Variants in IL12RB2 observed in about 807,000 individuals in gnomAD.
The protein encoded by IL12RB2 is interleukin-12 receptor subunit beta-2.
Under a neutral mutation model 89.4 loss-of-function variants are expected in IL12RB2, and 82 were observed. The ratio of observed to expected loss-of-function variants is 0.92; its 90% CI spans 0.77 to 1.10. The LOEUF is 1.10. Among genes scored for constraint, IL12RB2 ranks in the 50% least tolerant of loss-of-function variants. The pLI is 0.00. For missense variants in IL12RB2, 963 were observed against 1,031.9 expected (o/e 0.93, Z 0.92); for synonymous variants, 368 against 370.1 (o/e 0.99, Z 0.07).
intron 4 of IL12RB2, among the ~76,000 whole-genome samples, chr1:67,325,945 A>G (rs1057362700): frequency 1.1e-4 from 16 of 152,336 alleles, no homozygotes; most frequent in African/African-American, 3.8e-4. Context: ...CTTTATTTAA[A>G]AATACACACC....
chr1:67,329,456 T>G, intron 6 of IL12RB2, 131 bp from the exon 7 acceptor site: 1 of 726,362 alleles, frequency 1.4e-6, no homozygotes, highest in Non-Finnish European at 2.5e-6. Flanking sequence ...CTCTTGTATA[T>G]TTTACCAAAT....
At chr1:67,393,721 TAAG>T (rs1197362290) in intron 16 of IL12RB2, among the ~76,000 whole-genome samples, 1 of 152,152 alleles carries the variant, frequency 6.6e-6, no homozygotes, top group South Asian at 2.1e-4. Flanking sequence ...GGAGGGGATG[TAAG>T]AAGAAGATCC....
At chr1:67,350,802 A>C (rs892423812) in intron 9 of IL12RB2, 68 bp from the exon 10 acceptor site, 1 of 1,593,418 alleles carries the variant, frequency 6.3e-7, no homozygotes, top group African/African-American at 1.3e-5. Context: ...TGTACCCATG[A>C]GGTCCAGGCA....
Position 67,396,359 on chromosome 1 carries a change from C to T in IL12RB2, c.*270C>T, listed in dbSNP as rs1666368956. 1.8e-6 allele frequency: 1 copy of T among 548,370 alleles called. No homozygotes were observed. Among genetic ancestry groups the T allele is most frequent in the African/African-American group, 1.9e-5 (1 of 52,896 alleles). 34.0% of individuals were successfully genotyped at this position (548,370 alleles called of 1,614,324 possible). On this transcript the variant is annotated 3_prime_UTR_variant, in exon 17 of 17. Transcript: ENST00000674203. The stretch of plus-strand genomic sequence containing the variant: ...TCCAACTTGAATTCCTAGTAACTTT[C>T]TTGGTATGCTGGCCAGAAAGGGAAA...
At chr1:67,347,464 C>A (rs1660366414) in intron 9 of IL12RB2, among the ~76,000 whole-genome samples, 1 of 152,178 alleles carries the variant, frequency 6.6e-6, no homozygotes, top group Non-Finnish European at 1.5e-5. Context: ...AAAACAGATG[C>A]ATTGCATTCT....
At position 67,372,305 on chromosome 1, in the gene IL12RB2, C is replaced by T; in HGVS notation, c.1460-131C>T. 8 of 732,492 alleles carry T rather than the reference C, an allele frequency of 1.1e-5. No individual in the cohort carries two copies. The Admixed American group carries it at 1.5e-4, about 14-fold the overall frequency. 45.4% of individuals were successfully genotyped at this position (732,492 alleles called of 1,614,324 possible). A position where few individuals can be genotyped will look rare whatever the true frequency, so the allele number is the denominator to read the frequency against. On this transcript the variant is annotated intron_variant, in intron 11 of 16. Coordinates refer to ENST00000674203, the MANE Select transcript of IL12RB2 (RefSeq NM_001374259.2). ...ACATAGGTCATCAGTCCAGACTGTG[C>T]TTGAACCATCTTTAAACTAGGAAAA...
chr1:67,309,210 G>T (rs1654700624), intron 1 of IL12RB2, among the ~76,000 whole-genome samples: 1 of 151,918 alleles, frequency 6.6e-6, no homozygotes. Flanking sequence ...TATGTATTTG[G>T]TTTTTGGATA....
chr1:67,351,981 TATA>T (rs1223127308), intron 10 of IL12RB2, among the ~76,000 whole-genome samples: 1 of 152,216 alleles, frequency 6.6e-6, no homozygotes, highest in Non-Finnish European at 1.5e-5. Context: ...TAAAATTCAG[TATA>T]ATAATTTTAT....
At chr1:67,322,344 G>A (rs776700635) in intron 4 of IL12RB2, among the ~76,000 whole-genome samples, 7 of 151,146 alleles carry the variant, frequency 4.6e-5, no homozygotes, top group African/African-American at 9.7e-5. Flanking sequence ...ATGCTCACCC[G>A]GACCACTGGT....
rs1558315100 is a variant in IL12RB2 at position 67,338,613 on chromosome 1, CTT to C, written c.959-9_959-8del. 2 of 1,358,512 alleles carry C rather than the reference CTT, an allele frequency of 1.5e-6. No individual in the cohort carries two copies. The highest frequency in any genetic ancestry group is 2.3e-5 in the South Asian group (2 of 86,056). The allele number at this position is 1,358,512 out of a possible 1,614,324, so 84.2% of individuals were successfully genotyped here. A position where few individuals can be genotyped will look rare whatever the true frequency, so the allele number is the denominator to read the frequency against. On this transcript the variant is annotated splice_polypyrimidine_tract_variant and intron_variant, in intron 8 of 16. Coordinates refer to ENST00000674203, the MANE Select transcript of IL12RB2 (RefSeq NM_001374259.2). Reference sequence around the variant, plus strand: ...ATATGAAAATATGTCTTTTTTTCTCCTTTGAAACAGAGCCTACTGGGATGTTA... The same window carrying C: ...ATATGAAAATATGTCTTTTTTTCTCCTGAAACAGAGCCTACTGGGATGTTA...
At chr1:67,326,946 T>A (rs564416734) in intron 5 of IL12RB2, 97 bp downstream of exon 5, 12 of 638,504 alleles carry the variant, frequency 1.9e-5, no homozygotes, top group Middle Eastern at 7.5e-4. Flanking sequence ...TATTTTATTT[T>A]ATTTATTTAT....
intron 4 of IL12RB2, among the ~76,000 whole-genome samples, chr1:67,322,338 T>A (rs1431206646): frequency 6.6e-6 from 1 of 151,194 alleles, no homozygotes. Flanking sequence ...CCATCCATGC[T>A]CACCCGGACC....
intron 10 of IL12RB2, among the ~76,000 whole-genome samples, chr1:67,357,857 T>G (rs1437377637): frequency 6.6e-6 from 1 of 151,874 alleles, no homozygotes; most frequent in African/African-American, 2.4e-5. Flanking sequence ...GGTAAGAAAT[T>G]GAAAGATTAG....
chr1:67,348,789 G>A (rs753916013), intron 9 of IL12RB2, among the ~76,000 whole-genome samples: 5 of 151,882 alleles, frequency 3.3e-5, no homozygotes, highest in Non-Finnish European at 5.9e-5. Flanking sequence ...CCTGTCAGAC[G>A]AGTTAGGCTT....
Position 67,326,709 on chromosome 1 carries a change from T to G in IL12RB2, c.365-26T>G, listed in dbSNP as rs1345699643. Reference sequence around the variant, plus strand: ...GTTGAAATATCACCTGTGTGATATATAAGGTTTTGTCTTTTCTTTTTAAAG... The same window carrying G: ...GTTGAAATATCACCTGTGTGATATAGAAGGTTTTGTCTTTTCTTTTTAAAG... On this transcript the variant is annotated intron_variant, in intron 4 of 16. Transcript: ENST00000674203. 3 of 1,609,820 alleles carry G rather than the reference T, an allele frequency of 1.9e-6. No homozygotes were observed. In the Admixed American group the frequency reaches 5.0e-5, roughly 27 times the overall value.
chr1:67,362,382 A>C (rs1209174088), intron 10 of IL12RB2, among the ~76,000 whole-genome samples: 1 of 149,346 alleles, frequency 6.7e-6, no homozygotes. Flanking sequence ...CTGGCTAACA[A>C]GGTGAAACCC....
At chr1:67,378,250 C>G (rs1180888932) in intron 13 of IL12RB2, among the ~76,000 whole-genome samples, 1 of 152,148 alleles carries the variant, frequency 6.6e-6, no homozygotes, top group Non-Finnish European at 1.5e-5. Context: ...TTTGAAAGGT[C>G]ACTCCAAAAT....
At chr1:67,331,484 C>T (rs1658060952) in intron 8 of IL12RB2, among the ~76,000 whole-genome samples, 1 of 152,134 alleles carries the variant, frequency 6.6e-6, no homozygotes, top group Non-Finnish European at 1.5e-5. Context: ...CCTATGTAAA[C>T]TTTATGCCAA....
At chr1:67,354,022 C>A (rs1385982990) in intron 10 of IL12RB2, among the ~76,000 whole-genome samples, 1 of 152,148 alleles carries the variant, frequency 6.6e-6, no homozygotes. Flanking sequence ...CAGTTGGAAT[C>A]CAGCATAGGT....
Sources: allele counts gnomAD v4.1 joint callset (sites outside exome capture counted in the v4.1 genomes callset), GRCh38; gene constraint gnomAD v4.1.1; transcripts MANE v1.5; gene names NCBI Gene and HGNC (gene_info 2026-07-23, HGNC 2026-07-21).